SGCZ: variants seen among roughly 807,000 people sequenced by gnomAD.
SGCZ encodes sarcoglycan zeta.
In SGCZ, 40 loss-of-function variants were observed where a neutral mutation model predicts 41.3. The ratio of observed to expected loss-of-function variants is 0.97; its 90% CI spans 0.75 to 1.26. The LOEUF (loss-of-function observed/expected upper bound fraction) is 1.26. SGCZ is among the 50% of genes most tolerant of loss of function. SGCZ has a pLI of 0.00. For synonymous variants in SGCZ, 206 were observed against 137.5 expected (o/e 1.50, Z -3.49); for missense variants, 552 against 369.8 (o/e 1.49, Z -4.04).
At chr8:15,021,460 A>G (rs1178785329) in intron 1 of SGCZ, among the ~76,000 whole-genome samples, 1 of 152,196 alleles carries the variant, frequency 6.6e-6, no homozygotes, top group Non-Finnish European at 1.5e-5. Context: ...CTGTTGGCTT[A>G]TCTGAGGTTG....
Position 15,194,805 on chromosome 8 carries a change from G to T in SGCZ, c.39+42780C>A, listed in dbSNP as rs553173584. Among the ~76,000 whole-genome samples the T allele has an allele frequency of 2.0e-5, 3 of 151,586 alleles. 1 individual carries two copies. The South Asian group carries it at 6.2e-4, about 31-fold the overall frequency. ...CAGAAAGCAGCCCTGCTGAAAACCC[G>T]ATTTTAGCCAAATGAAACTCATTCT... On this transcript the variant is annotated intron_variant, in intron 1 of 7. Coordinates refer to ENST00000382080, the MANE Select transcript of SGCZ (RefSeq NM_139167.4).
intron 1 of SGCZ, among the ~76,000 whole-genome samples, chr8:15,128,113 C>T (rs1461363297): frequency 1.3e-5 from 2 of 152,014 alleles, no homozygotes; most frequent in African/African-American, 4.8e-5. Context: ...CATCTGTCCT[C>T]TTTTTTTTCA....
chr8:15,126,357 C>T (rs933715388), intron 1 of SGCZ, among the ~76,000 whole-genome samples: 1 of 151,984 alleles, frequency 6.6e-6, no homozygotes, highest in African/African-American at 2.4e-5. Context: ...AAACTCTACC[C>T]GTTATTCCAT....
intron 2 of SGCZ, among the ~76,000 whole-genome samples, chr8:14,514,004 G>C (rs541605238): frequency 6.6e-6 from 1 of 152,178 alleles, no homozygotes; most frequent in Admixed American, 6.6e-5. Flanking sequence ...TATTTCAGGG[G>C]TTTACAGCTT....
At chr8:14,818,682 G>T (rs995789304) in intron 1 of SGCZ, among the ~76,000 whole-genome samples, 1 of 151,972 alleles carries the variant, frequency 6.6e-6, no homozygotes, top group Admixed American at 6.6e-5. Context: ...ATAATTCACT[G>T]AAGTCAAGAA....
At chr8:14,927,260 C>T (rs1166380957) in intron 1 of SGCZ, among the ~76,000 whole-genome samples, 1 of 151,904 alleles carries the variant, frequency 6.6e-6, no homozygotes, top group Non-Finnish European at 1.5e-5. Context: ...AGGCGTCCGC[C>T]ACCACGCCCG....
chr8:14,297,982 G>A (rs1801068885), intron 3 of SGCZ, among the ~76,000 whole-genome samples: 2 of 151,804 alleles, frequency 1.3e-5, no homozygotes, highest in South Asian at 2.1e-4. Context: ...TTAACAAAAC[G>A]GCCCTAGCAA....
chr8:14,222,375 G>C (rs1806227140), intron 4 of SGCZ, among the ~76,000 whole-genome samples: 1 of 151,884 alleles, frequency 6.6e-6, no homozygotes, highest in Non-Finnish European at 1.5e-5. Flanking sequence ...TCACTATCTT[G>C]GCCAGGCTGG....
chr8:15,004,080 G>C (rs1362286636), intron 1 of SGCZ, among the ~76,000 whole-genome samples: 1 of 152,044 alleles, frequency 6.6e-6, no homozygotes, highest in Admixed American at 6.6e-5. Context: ...TGAACAGAGA[G>C]GAGGAGAAAT....
chr8:14,847,079 C>CA (rs908193522), intron 1 of SGCZ, among the ~76,000 whole-genome samples: 1 of 96,402 alleles, frequency 1.0e-5, no homozygotes, highest in Non-Finnish European at 2.2e-5. Flanking sequence ...CTCTACAAGA[C>CA]AAAATAGAAG....
intron 1 of SGCZ, among the ~76,000 whole-genome samples, chr8:14,770,124 AATAATT>A (rs1304359967): frequency 6.9e-6 from 1 of 144,812 alleles, no homozygotes; most frequent in Non-Finnish European, 1.5e-5. Flanking sequence ...ATAATACAAT[AATAATT>A]ATATCTATTA....
At chr8:14,996,053 G>A (rs568679645) in intron 1 of SGCZ, among the ~76,000 whole-genome samples, 35 of 151,948 alleles carry the variant, frequency 2.3e-4, no homozygotes, top group South Asian at 2.1e-4. Context: ...ACAGGCGCCC[G>A]CCACCACGCC....
chr8:14,634,732 C>T (rs1303090890), intron 1 of SGCZ, among the ~76,000 whole-genome samples: 1 of 151,758 alleles, frequency 6.6e-6, no homozygotes. Flanking sequence ...CACAAAATTC[C>T]ATAAACTTTT....
intron 5 of SGCZ, among the ~76,000 whole-genome samples, chr8:14,146,955 GAA>G (rs75899034): frequency 6.8e-6 from 1 of 146,352 alleles, no homozygotes; most frequent in Non-Finnish European, 1.5e-5. Flanking sequence ...GGAATAAACA[GAA>G]AAAAAAAACC....
chr8:14,125,782 A>G (rs1002647199), intron 5 of SGCZ, among the ~76,000 whole-genome samples: 3 of 152,132 alleles, frequency 2.0e-5, no homozygotes, highest in African/African-American at 4.8e-5. Context: ...AGACATATAG[A>G]CCAATGGAAC....
intron 4 of SGCZ, among the ~76,000 whole-genome samples, chr8:14,233,321 A>G (rs1806638878): frequency 6.6e-6 from 1 of 151,974 alleles, no homozygotes; most frequent in African/African-American, 2.4e-5. Context: ...ATGCTGGCTA[A>G]GTTTTTTAAA....
intron 4 of SGCZ, among the ~76,000 whole-genome samples, chr8:14,205,029 A>G (rs527262822): frequency 1.3e-5 from 2 of 152,236 alleles, no homozygotes; most frequent in Admixed American, 1.3e-4. Context: ...CTGTCTATCT[A>G]TTTATTATCT....
chr8:14,270,811 GAT>G (rs1447243341), intron 3 of SGCZ, among the ~76,000 whole-genome samples: 1 of 152,172 alleles, frequency 6.6e-6, no homozygotes, highest in Admixed American at 6.5e-5. Flanking sequence ...GTCCAACAAT[GAT>G]ATAGACTGGA....
intron 1 of SGCZ, among the ~76,000 whole-genome samples, chr8:14,760,925 T>G (rs1799850992): frequency 6.6e-6 from 1 of 152,184 alleles, no homozygotes; most frequent in Non-Finnish European, 1.5e-5. Flanking sequence ...TCTCAGAAGC[T>G]CAAGGTATAT....
Sources: allele counts gnomAD v4.1 joint callset (sites outside exome capture counted in the v4.1 genomes callset), GRCh38; gene constraint gnomAD v4.1.1; transcripts MANE v1.5; gene names NCBI Gene and HGNC (gene_info 2026-07-23, HGNC 2026-07-21).